The following EPB41L4B variants were observed in gnomAD, a reference collection of about 807,000 sequenced individuals.
EPB41L4B encodes band 4.1-like protein 4B.
A neutral mutation model predicts 112.5 loss-of-function variants in EPB41L4B; 30 were observed. The observed-to-expected ratio is 0.27, with a 90% CI of 0.20 to 0.36. EPB41L4B has a LOEUF of 0.36. Among genes scored for constraint, EPB41L4B ranks in the 10% least tolerant of loss-of-function variants. EPB41L4B has a pLI of 1.00. For synonymous variants in EPB41L4B, 408 were observed against 439.7 expected (o/e 0.93, Z 0.90); for missense variants, 1,024 against 1,133.3 (o/e 0.90, Z 1.38).
intron 15 of EPB41L4B, among the ~76,000 whole-genome samples, chr9:109,230,405 G>T (rs1459962981): frequency 3.3e-5 from 5 of 152,166 alleles, no homozygotes; most frequent in Non-Finnish European, 7.3e-5. Context: ...TTGCCTACGT[G>T]ACCTTAGGTA....
chr9:109,217,489 T>A (rs1201933302), intron 15 of EPB41L4B, among the ~76,000 whole-genome samples: 1 of 152,220 alleles, frequency 6.6e-6, no homozygotes, highest in East Asian at 1.9e-4. Flanking sequence ...GACAAGATCA[T>A]AATGCAAACT....
At chr9:109,177,879 G>A (rs1368840667) in intron 24 of EPB41L4B, among the ~76,000 whole-genome samples, 1 of 151,208 alleles carries the variant, frequency 6.6e-6, no homozygotes, top group East Asian at 1.9e-4. Flanking sequence ...GTTGCCATCA[G>A]TATATTTCCT....
intron 1 of EPB41L4B, among the ~76,000 whole-genome samples, chr9:109,292,774 T>C (rs1346158305): frequency 1.3e-5 from 2 of 152,214 alleles, no homozygotes; most frequent in Non-Finnish European, 1.5e-5. Flanking sequence ...GAAGAGCCTG[T>C]CAGTGCATCA....
At chr9:109,258,122 A>G in intron 7 of EPB41L4B, 55 bp downstream of exon 7, 1 of 1,571,614 alleles carries the variant, frequency 6.4e-7, no homozygotes, top group South Asian at 1.2e-5. Context: ...TGTGATCAAC[A>G]CTTATTTATG....
At chr9:109,280,110 A>G (rs986873227) in intron 1 of EPB41L4B, among the ~76,000 whole-genome samples, 189 bp from the exon 2 acceptor site, 2 of 152,242 alleles carry the variant, frequency 1.3e-5, no homozygotes, top group African/African-American at 4.8e-5. Context: ...ATGCCACATA[A>G]TAGCATAAAG....
Position 109,209,327 on chromosome 9 carries a change from T to C in EPB41L4B, c.1753-1278A>G, listed in dbSNP as rs543597707. ...AATAGCAAGACGGCAGAGACAGATT[T>C]GAATCTCAGCTCTTTCACTTACTTG... On this transcript the variant is annotated intron_variant, in intron 17 of 25. Transcript: ENST00000374566. 2.6e-5 allele frequency among the ~76,000 whole-genome samples: 4 copies of C among 151,936 alleles called. No homozygotes were observed. The South Asian group carries it at 8.3e-4, about 32-fold the overall frequency.
chr9:109,213,652 A>G, intron 17 of EPB41L4B, 48 bp downstream of exon 17: 1 of 1,507,930 alleles, frequency 6.6e-7, no homozygotes, highest in Non-Finnish European at 9.2e-7. Context: ...CAGAGGTTTG[A>G]TGTCAGCACC....
chr9:109,251,599 C>A, intron 12 of EPB41L4B, 88 bp from the exon 13 acceptor site: 1 of 1,216,196 alleles, frequency 8.2e-7, no homozygotes. Flanking sequence ...TGCGAGACTT[C>A]TACCATCACA....
At chr9:109,299,547 C>G (rs1053225280) in intron 1 of EPB41L4B, among the ~76,000 whole-genome samples, 3 of 152,072 alleles carry the variant, frequency 2.0e-5, no homozygotes, top group African/African-American at 7.2e-5. Context: ...CTGAGCTTCC[C>G]AAAGTGCTTG....
At chr9:109,258,739 C>G (rs10979778) in intron 6 of EPB41L4B, among the ~76,000 whole-genome samples, 2,493 of 152,192 alleles carry the variant, frequency 0.016, 26 homozygotes, top group Non-Finnish European at 0.025. Context: ...ATCAAGAATT[C>G]GGCACATGCA....
chr9:109,185,650 GA>G (rs758063991), intron 22 of EPB41L4B, 45 bp from the exon 23 acceptor site: 1 of 1,469,292 alleles, frequency 6.8e-7, no homozygotes, highest in Non-Finnish European at 9.4e-7. Flanking sequence ...GGTGGCAAGA[GA>G]AGGGGAGGAG....
chr9:109,237,852 T>C lies in EPB41L4B; in HGVS notation c.1409+5766A>G, dbSNP rs544211676. Among the ~76,000 whole-genome samples the C allele has an allele frequency of 4.6e-5, 7 of 152,084 alleles. No homozygotes were observed. In the East Asian group the frequency reaches 1.2e-3, roughly 25 times the overall value. On this transcript the variant is annotated intron_variant, in intron 15 of 25. Coordinates refer to ENST00000374566, the MANE Select transcript of EPB41L4B (RefSeq NM_019114.5). The stretch of plus-strand genomic sequence containing the variant: ...ACACTGGTGGGGGCTGTATGGACAG[T>C]TAGCTACCTACTGGTGTGGTGGTAA...
intron 1 of EPB41L4B, among the ~76,000 whole-genome samples, chr9:109,313,566 G>A (rs373339670): frequency 1.3e-5 from 2 of 152,322 alleles, no homozygotes; most frequent in African/African-American, 2.4e-5. Context: ...AGATGCAAGG[G>A]GACTCTGAGG....
rs1352216935 is a variant in EPB41L4B, at chr9:109,186,863, G to A, written c.2302-1258C>T. 2.6e-5 allele frequency among the ~76,000 whole-genome samples: 4 copies of A among 152,278 alleles called. 1 individual carries two copies. The South Asian group carries it at 6.2e-4, about 24-fold the overall frequency. On this transcript the variant is annotated intron_variant, in intron 22 of 25. Coordinates refer to ENST00000374566, the MANE Select transcript of EPB41L4B (RefSeq NM_019114.5). ...AAACAAACTGACCCTGACCCATGAC[G>A]AGATGCATGGGCCCAGCCGTGGCAT... is the stretch of plus-strand genomic sequence containing the variant.
At chr9:109,210,003 G>C (rs935727136) in intron 17 of EPB41L4B, among the ~76,000 whole-genome samples, 2 of 152,078 alleles carry the variant, frequency 1.3e-5, no homozygotes, top group African/African-American at 4.8e-5. Context: ...TTCTTCATAG[G>C]ATTGTTATGG....
At chr9:109,192,743 C>T (rs1175794513) in intron 21 of EPB41L4B, among the ~76,000 whole-genome samples, 1 of 152,188 alleles carries the variant, frequency 6.6e-6, no homozygotes, top group Non-Finnish European at 1.5e-5. Context: ...AACTGATCTG[C>T]ACACTAAGAG....
intron 1 of EPB41L4B, among the ~76,000 whole-genome samples, chr9:109,288,830 G>A (rs568019906): frequency 6.7e-6 from 1 of 150,324 alleles, no homozygotes; most frequent in African/African-American, 2.5e-5. Context: ...GAGCCCAGGA[G>A]GTTGAGGCTG....
intron 14 of EPB41L4B, 88 bp from the exon 15 acceptor site, chr9:109,243,770 G>A (rs1834439204): frequency 6.1e-6 from 8 of 1,308,086 alleles, no homozygotes; most frequent in African/African-American, 1.4e-5. Context: ...GCATCCACCC[G>A]AGGGGCTGGG....
chr9:109,195,856 C>T (rs1832623464), intron 20 of EPB41L4B, among the ~76,000 whole-genome samples: 1 of 152,136 alleles, frequency 6.6e-6, no homozygotes, highest in Non-Finnish European at 1.5e-5. Flanking sequence ...TGGTTTTTAT[C>T]TTTTGTCTTA....
Sources: allele counts gnomAD v4.1 joint callset (sites outside exome capture counted in the v4.1 genomes callset), GRCh38; gene constraint gnomAD v4.1.1; transcripts MANE v1.5; gene names NCBI Gene and HGNC (gene_info 2026-07-23, HGNC 2026-07-21).